PRMT5: variants seen among roughly 807,000 people sequenced by gnomAD.
The protein encoded by PRMT5 is protein arginine N-methyltransferase 5.
Under a neutral mutation model 84.0 loss-of-function variants are expected in PRMT5, and 15 were observed. That is an observed-to-expected ratio of 0.18 (90% confidence interval 0.12 to 0.28). The LOEUF (loss-of-function observed/expected upper bound fraction) is 0.28. Ranked by LOEUF, PRMT5 falls within the 10% of genes least tolerant of loss-of-function variation. The probability of loss-of-function intolerance (pLI) is 1.00; values close to 1 mark genes in which losing one functional copy is unlikely to be tolerated. For missense variants in PRMT5, 486 were observed against 808.0 expected (o/e 0.60, Z 4.83); for synonymous variants, 276 against 292.4 (o/e 0.94, Z 0.57).
Position 22,920,636 on chromosome 14 carries a change from T to G in PRMT5, c.*268A>C. On this transcript the variant is annotated 3_prime_UTR_variant, in exon 17 of 17. Coordinates refer to ENST00000324366, the MANE Select transcript of PRMT5 (RefSeq NM_006109.5). Reference sequence around the variant, plus strand: ...TTCAAACCCCATGTTCTCAGGGATATTCCAGGGAGTTCTTGAGGCTGAGTG... The same window carrying G: ...TTCAAACCCCATGTTCTCAGGGATAGTCCAGGGAGTTCTTGAGGCTGAGTG... 1.5e-6 allele frequency: 1 copy of G among 671,688 alleles called. No homozygotes were observed. The allele number at this position is 671,688 out of a possible 1,614,324, so 41.6% of individuals were successfully genotyped here. A position where few individuals can be genotyped will look rare whatever the true frequency, so the allele number is the denominator to read the frequency against.
intron 16 of PRMT5, among the ~76,000 whole-genome samples, chr14:22,921,883 T>TAAA (rs2044305777): frequency 2.1e-5 from 2 of 96,540 alleles, no homozygotes; most frequent in African/African-American, 8.7e-5. Context: ...CTCCGTCTCT[T>TAAA]TAAAAAAAAA....
At position 22,928,986 on chromosome 14, in the gene PRMT5, C is replaced by T. The variant is rs1301877306; in HGVS notation, c.110+266G>A. The T allele has an allele frequency of 2.7e-6, 2 of 746,058 alleles. No homozygotes were observed. Among genetic ancestry groups the T allele is most frequent in the Non-Finnish European group, 2.2e-6 (1 of 463,318 alleles). The allele number at this position is 746,058 out of a possible 1,614,324, so 46.2% of individuals were successfully genotyped here. A position where few individuals can be genotyped will look rare whatever the true frequency, so the allele number is the denominator to read the frequency against. On this transcript the variant is annotated intron_variant, in intron 1 of 16. Coordinates refer to ENST00000324366, the MANE Select transcript of PRMT5 (RefSeq NM_006109.5). This position sits in a 1 kb window ranked among gnomAD's most constrained non-coding sequence, Gnocchi z 4.8. ...CCTTGCCCCCTAACACCTCCTCCCA[C>T]TCCCAGACAATAATCGCGACCTCCA... is the stretch of plus-strand genomic sequence containing the variant.
In PRMT5 at chr14:22,923,938, C is replaced by T; in HGVS notation, c.1375+70G>A. 6.7e-7 allele frequency: 1 copy of T among 1,503,496 alleles called. No individual in the cohort carries two copies. The highest frequency in any genetic ancestry group is 8.9e-7 in the Non-Finnish European group (1 of 1,126,592). The allele number at this position is 1,503,496 out of a possible 1,614,324, so 93.1% of individuals were successfully genotyped here. On this transcript the variant is annotated intron_variant, in intron 12 of 16. Transcript: ENST00000324366. The surrounding 1 kb of genome is among the most constrained non-coding windows in gnomAD (Gnocchi z 5.2). Reference sequence around the variant, plus strand: ...AGGTCCAACCCACTTTCCCCTAAACCCTGTACCCTCCTCCCAGGTTGCTGT... The same window carrying T: ...AGGTCCAACCCACTTTCCCCTAAACTCTGTACCCTCCTCCCAGGTTGCTGT...
chr14:22,922,068 CAGG>C, intron 16 of PRMT5, 105 bp downstream of exon 16: 1 of 1,007,528 alleles, frequency 9.9e-7, no homozygotes, highest in Non-Finnish European at 1.5e-6. Flanking sequence ...CATATGAAAT[CAGG>C]AGAACATGAG....
At chr14:22,927,707 CTTTTTTT>C in intron 3 of PRMT5, 47 bp from the exon 4 acceptor site, 7 of 1,359,916 alleles carry the variant, frequency 5.1e-6, no homozygotes, top group South Asian at 1.4e-5. Context: ...AAGCAAACAG[CTTTTTTT>C]TTTTTTTTTT....
intron 16 of PRMT5, 55 bp from the exon 17 acceptor site, chr14:22,921,111 A>G: frequency 6.3e-7 from 1 of 1,597,894 alleles, no homozygotes; most frequent in African/African-American, 1.3e-5. Flanking sequence ...ATACATGGCA[A>G]TGTATTAAGG....
chr14:22,922,856 G>A, intron 13 of PRMT5, 21 bp from the exon 14 acceptor site: 1 of 1,607,808 alleles, frequency 6.2e-7, no homozygotes. Context: ...CAGAAAGAGA[G>A]AGAGAGTGTT....
chr14:22,920,662 C>G lies in PRMT5; in HGVS notation c.*242G>C. The G allele has an allele frequency of 1.4e-6, 1 of 702,166 alleles. No individual in the cohort carries two copies. 43.5% of individuals were successfully genotyped at this position (702,166 alleles called of 1,614,324 possible). On this transcript the variant is annotated 3_prime_UTR_variant, in exon 17 of 17. Transcript: ENST00000324366. ...TCCAGGGAGTTCTTGAGGCTGAGTG[C>G]GTAGCTTCAAATCCAGCACTAATTC...
Position 22,922,845 on chromosome 14 carries a change from A to T in PRMT5, c.1486-10T>A. 6.2e-7 allele frequency: 1 copy of T among 1,611,590 alleles called. No homozygotes were observed. Among genetic ancestry groups the T allele is most frequent in the East Asian group, 2.2e-5 (1 of 44,864 alleles). ...GCATCTCAAACTGGGCCTGTCAGAGACAGAAAGAGAGAGAGAGTGTTGGGG... is the reference window on the plus strand; with the variant it reads ...GCATCTCAAACTGGGCCTGTCAGAGTCAGAAAGAGAGAGAGAGTGTTGGGG... On this transcript the variant is annotated splice_polypyrimidine_tract_variant and intron_variant, in intron 13 of 16. Coordinates refer to ENST00000324366, the MANE Select transcript of PRMT5 (RefSeq NM_006109.5).
At position 22,924,401 on chromosome 14, in the gene PRMT5, G is replaced by C. The variant is rs1377666328; in HGVS notation, c.1077-9C>G. 1 of 1,613,948 alleles carries C rather than the reference G, an allele frequency of 6.2e-7. No individual in the cohort carries two copies. The highest frequency in any genetic ancestry group is 8.5e-7 in the Non-Finnish European group (1 of 1,180,020). ...CCAGCACCATCAGTACCCTAAGAAA[G>C]AAAGGGAAGAGTCAAGCAGACTTGG... On this transcript the variant is annotated splice_polypyrimidine_tract_variant and intron_variant, in intron 10 of 16. Coordinates refer to ENST00000324366, the MANE Select transcript of PRMT5 (RefSeq NM_006109.5). The surrounding 1 kb of genome is among the most constrained non-coding windows in gnomAD (Gnocchi z 6.5).
chr14:22,927,265 T>G (rs532265506), intron 4 of PRMT5, among the ~76,000 whole-genome samples: 19 of 113,980 alleles, frequency 1.7e-4, no homozygotes, highest in African/African-American at 4.0e-4. Context: ...TGTGTTTTTT[T>G]GTTTTTGTTT....
At position 22,929,283 on chromosome 14, in the gene PRMT5, C is replaced by A. The variant is rs2044497213; in HGVS notation, c.79G>T (p.Ala27Ser). ...GRDLNCVPEI[A>S]DTLGAVAKQG... ...TTGGCCACAGCCCCTAGTGTGTCAG[C>A]TATTTCGGGGACGCAATTCAGGTCC... The change falls in exon 1 of 17, where the codon GCT (alanine) becomes TCT (serine). Residue 27 changes from alanine (A) to serine (S), a missense_variant. Physicochemically the swap from Ala to Ser is moderately conservative, Grantham distance 99 (BLOSUM62 1). This residue lies in a region of PRMT5 where 51 missense variants were observed against 53.8 expected (regional missense o/e 0.95). Coordinates refer to ENST00000324366, the MANE Select transcript of PRMT5 (RefSeq NM_006109.5). The A allele has an allele frequency of 6.2e-7, 1 of 1,613,802 alleles. No individual in the cohort carries two copies. Among genetic ancestry groups the A allele is most frequent in the South Asian group, 1.1e-5 (1 of 91,054 alleles).
At position 22,923,974 on chromosome 14, in the gene PRMT5, A is replaced by G; in HGVS notation, c.1375+34T>C. On this transcript the variant is annotated intron_variant, in intron 12 of 16. Coordinates refer to ENST00000324366, the MANE Select transcript of PRMT5 (RefSeq NM_006109.5). This position sits in a 1 kb window ranked among gnomAD's most constrained non-coding sequence, Gnocchi z 5.2. Reference sequence around the variant, plus strand: ...CTCCCAGGTTGCTGTCTCACCCATCATCACCCTCCACCTACACCCCAACCT... The same window carrying G: ...CTCCCAGGTTGCTGTCTCACCCATCGTCACCCTCCACCTACACCCCAACCT... The G allele has an allele frequency of 6.6e-7, 1 of 1,525,000 alleles. No individual in the cohort carries two copies. The highest frequency in any genetic ancestry group is 1.3e-5 in the South Asian group (1 of 76,128). The allele number at this position is 1,525,000 out of a possible 1,614,324, so 94.5% of individuals were successfully genotyped here.
Position 22,921,063 on chromosome 14 carries a change from G to A in PRMT5, c.1762-7C>T, listed in dbSNP as rs765511242. ...CACGTACCGTTATGGGCTGCTGTAA[G>A]AAGAAAGACAGGAAGGTTCAGGGTG... On this transcript the variant is annotated splice_polypyrimidine_tract_variant and splice_region_variant and intron_variant, in intron 16 of 16. Coordinates refer to ENST00000324366, the MANE Select transcript of PRMT5 (RefSeq NM_006109.5). 10 of 1,613,976 alleles carry A rather than the reference G, an allele frequency of 6.2e-6. No homozygotes were observed. Among genetic ancestry groups the A allele is most frequent in the Non-Finnish European group, 8.5e-6 (10 of 1,180,030 alleles).
At position 22,922,851 on chromosome 14, in the gene PRMT5, A is replaced by G. The variant is rs2044333695; in HGVS notation, c.1486-16T>C. On this transcript the variant is annotated splice_polypyrimidine_tract_variant and intron_variant, in intron 13 of 16. Coordinates refer to ENST00000324366, the MANE Select transcript of PRMT5 (RefSeq NM_006109.5). ...CAAACTGGGCCTGTCAGAGACAGAA[A>G]GAGAGAGAGAGTGTTGGGGAAGACA... 2 of 1,593,340 alleles carry G rather than the reference A, an allele frequency of 1.3e-6. No homozygotes were observed. The highest frequency in any genetic ancestry group is 2.2e-5 in the East Asian group (1 of 44,704).
In PRMT5 at chr14:22,924,231, A is replaced by G; in HGVS notation, c.1199+39T>C. ...AGGAGAGATGTTAAGGAAATTTGGC[A>G]ATGAGGACTAACTTCCCAGCAAGCA... On this transcript the variant is annotated intron_variant, in intron 11 of 16. Coordinates refer to ENST00000324366, the MANE Select transcript of PRMT5 (RefSeq NM_006109.5). This position sits in a 1 kb window ranked among gnomAD's most constrained non-coding sequence, Gnocchi z 6.5. 1 of 1,612,348 alleles carries G rather than the reference A, an allele frequency of 6.2e-7. No homozygotes were observed. Among genetic ancestry groups the G allele is most frequent in the South Asian group, 1.1e-5 (1 of 91,018 alleles).
At chr14:22,922,863 T>G in intron 13 of PRMT5, 28 bp from the exon 14 acceptor site, 1 of 1,592,154 alleles carries the variant, frequency 6.3e-7, no homozygotes, top group Non-Finnish European at 8.6e-7. Flanking sequence ...AGAGAGAGAG[T>G]GTTGGGGAAG....
At chr14:22,927,376 T>C (rs954840496) in intron 4 of PRMT5, 150 bp downstream of exon 4, 3 of 1,089,570 alleles carry the variant, frequency 2.8e-6, no homozygotes, top group African/African-American at 3.1e-5. Context: ...CCCAAAGTGC[T>C]GGGATTACAG....
rs2044242909 is a variant in PRMT5, at chr14:22,920,543, A to G, written c.*361T>C. ...CAGCATGGTCGTGCAGTAAAGGGCT[A>G]TAACTTTATTTGTATTTCCTCTTAC... On this transcript the variant is annotated 3_prime_UTR_variant, in exon 17 of 17. Coordinates refer to ENST00000324366, the MANE Select transcript of PRMT5 (RefSeq NM_006109.5). 6.8e-6 allele frequency: 3 copies of G among 443,480 alleles called. No individual in the cohort carries two copies. The highest frequency in any genetic ancestry group is 5.3e-5 in the South Asian group (3 of 56,346). 27.5% of individuals were successfully genotyped at this position (443,480 alleles called of 1,614,324 possible). A position where few individuals can be genotyped will look rare whatever the true frequency, so the allele number is the denominator to read the frequency against.
Sources: allele counts gnomAD v4.1 joint callset (sites outside exome capture counted in the v4.1 genomes callset), GRCh38; gene constraint gnomAD v4.1.1; regional missense constraint gnomAD v4.1.1; non-coding constraint Gnocchi (gnomAD v3.1); transcripts MANE v1.5; gene names NCBI Gene and HGNC (gene_info 2026-07-23, HGNC 2026-07-21).